SPATA7: variants seen among roughly 807,000 people sequenced by gnomAD.
SPATA7 encodes the protein spermatogenesis associated 7, also known as spermatogenesis-associated protein 7.
SPATA7 carries 43 observed loss-of-function variants against 51.8 expected under a neutral mutation model. The observed-to-expected ratio is 0.83, with a 90% CI of 0.65 to 1.07. The LOEUF is 1.07. Ranked by LOEUF, SPATA7 falls within the 50% of genes least tolerant of loss-of-function variation. The probability of loss-of-function intolerance (pLI) is 0.00; values close to 1 mark genes in which losing one functional copy is unlikely to be tolerated. For missense variants in SPATA7, 683 were observed against 701.3 expected, an observed-to-expected ratio of 0.97 and a Z score of 0.30; for synonymous variants, 230 against 252.8, an observed-to-expected ratio of 0.91 and a Z score of 0.86.
intron 4 of SPATA7, among the ~76,000 whole-genome samples, chr14:88,462,949 C>A (rs1462404394): frequency 6.6e-6 from 1 of 151,944 alleles, no homozygotes; most frequent in Non-Finnish European, 1.5e-5. Context: ...CCTTTAGTAA[C>A]CCATAAAATG....
rs150093878 is a variant in SPATA7, at chr14:88,416,838, A to T, written c.366A>T (p.Leu122Phe). 3.5e-4 allele frequency: 557 copies of T among 1,586,486 alleles called. 5 individuals are homozygous for T. The African/African-American group carries it at 6.5e-3, about 19-fold the overall frequency. Residue 122 changes from leucine (L) to phenylalanine (F), a missense_variant, in exon 5 of 12, where the codon TTA (leucine) becomes TTT (phenylalanine). Leu to Phe is a conservative substitution (Grantham distance 22). Coordinates refer to ENST00000393545, the MANE Select transcript of SPATA7 (RefSeq NM_018418.5). Reference sequence around the variant, plus strand: ...ATTCCAAGTCACTTTTTAATACCTTACAAAAGGTAAGATAGTATTTTTATT... The same window carrying T: ...ATTCCAAGTCACTTTTTAATACCTTTCAAAAGGTAAGATAGTATTTTTATT... ...KNNSKSLFNT[L>F]QKPSGEPQIE... is the part of the protein sequence containing the mutation.
chr14:88,429,442 C>A lies in SPATA7; in HGVS notation c.1007C>A (p.Ala336Asp), dbSNP rs775700654. The A allele has an allele frequency of 6.2e-7, 1 of 1,610,630 alleles. No individual in the cohort carries two copies. Among genetic ancestry groups the A allele is most frequent in the Non-Finnish European group, 8.5e-7 (1 of 1,177,148 alleles). ...DSTWDEIKDD[A>D]LQHSSPRAMC... The stretch of plus-strand genomic sequence containing the variant: ...ACATGGGATGAGATTAAGGATGATG[C>A]TCTTCAGCATTCCTCACCAAGGTAA... The change falls in exon 8 of 12, where the codon GCT becomes GAT. Residue 336 changes from alanine (A) to aspartate (D), a missense_variant. Coordinates refer to ENST00000393545, the MANE Select transcript of SPATA7 (RefSeq NM_018418.5).
chr14:88,447,917 A>G (rs1595311814), intron 3 of SPATA7, among the ~76,000 whole-genome samples: 1 of 151,006 alleles, frequency 6.6e-6, no homozygotes, highest in South Asian at 2.1e-4. Flanking sequence ...TGCCCTTAAC[A>G]TTTTTTCCTT....
chr14:88,411,119 G>A (rs933318581), intron 4 of SPATA7, among the ~76,000 whole-genome samples: 1 of 152,180 alleles, frequency 6.6e-6, no homozygotes, highest in East Asian at 1.9e-4. Context: ...GCCTTGTGGC[G>A]CTGTGGTGGG....
downstream of SPATA7, among the ~76,000 whole-genome samples, chr14:88,441,266 G>A (rs115317595): frequency 0.026 from 3,955 of 152,108 alleles, 181 homozygotes; most frequent in African/African-American, 0.09. Context: ...ATATGGGCTG[G>A]TTCCATATTT....
In SPATA7 at chr14:88,385,744, C is replaced by A; in HGVS notation, c.-75C>A. On this transcript the variant is annotated 5_prime_UTR_variant, in exon 1 of 12. Coordinates refer to ENST00000393545, the MANE Select transcript of SPATA7 (RefSeq NM_018418.5). ...CTCCTCTTTTCCAGTCCTCCACTGC[C>A]GGGGCTGGGCCCGGCCGCGGGAAGG... 1 of 1,450,966 alleles carries A rather than the reference C, an allele frequency of 6.9e-7. No individual in the cohort carries two copies. The allele number at this position is 1,450,966 out of a possible 1,614,324, so 89.9% of individuals were successfully genotyped here.
chr14:88,415,285 A>G, intron 4 of SPATA7: 1 of 323,460 alleles, frequency 3.1e-6, no homozygotes, highest in Non-Finnish European at 6.5e-6. Flanking sequence ...TGTGGAATTG[A>G]ATCCTTCGTC....
intron 4 of SPATA7, among the ~76,000 whole-genome samples, chr14:88,397,091 T>G (rs2075905143): frequency 6.6e-6 from 1 of 152,148 alleles, no homozygotes; most frequent in African/African-American, 2.4e-5. Context: ...GGTTTTACCA[T>G]GTTGCCCAGG....
rs765151899 is a variant in SPATA7 at position 88,469,542 on chromosome 14, G to C, written c.255-305G>C. 4.3e-6 allele frequency: 7 copies of C among 1,614,192 alleles called. No homozygotes were observed. Among genetic ancestry groups the C allele is most frequent in the Non-Finnish European group, 5.9e-6 (7 of 1,180,036 alleles). On this transcript the variant is annotated intron_variant, in intron 4 of 4. Coordinates refer to the SPATA7 transcript ENST00000556406. This position sits in a 1 kb window ranked among gnomAD's most constrained non-coding sequence, Gnocchi z 4.3. Reference sequence around the variant, plus strand: ...CTTCTGGACAGCCATGTTCAGGCCAGTCTGTGTATTGGAGGTGCCAGACGG... The same window carrying C: ...CTTCTGGACAGCCATGTTCAGGCCACTCTGTGTATTGGAGGTGCCAGACGG...
At position 88,469,729 on chromosome 14, in the gene SPATA7, C is replaced by A; in HGVS notation, c.255-118C>A. 6.2e-7 allele frequency: 1 copy of A among 1,614,086 alleles called. No homozygotes were observed. ...GTACCTAAAGCTCTTCTCCCTTCCA[C>A]CCTCCTGTTAAAGATGAGCATGGTT... On this transcript the variant is annotated intron_variant, in intron 4 of 4. Transcript: ENST00000556406. The surrounding 1 kb of genome is among the most constrained non-coding windows in gnomAD (Gnocchi z 4.3).
intron 1 of SPATA7, among the ~76,000 whole-genome samples, chr14:88,387,390 T>C (rs1350616125): frequency 2.1e-5 from 3 of 144,354 alleles, no homozygotes; most frequent in African/African-American, 8.8e-5. Flanking sequence ...CAAATACTGT[T>C]ATTTTGAATT....
chr14:88,422,557 T>C (rs1044051124), intron 5 of SPATA7, among the ~76,000 whole-genome samples: 1 of 148,530 alleles, frequency 6.7e-6, no homozygotes, highest in African/African-American at 2.5e-5. Flanking sequence ...TTTTAATATA[T>C]CTTTTTAATG....
Position 88,463,005 on chromosome 14 carries a change from T to A in SPATA7, c.255-6842T>A, listed in dbSNP as rs957206222. On this transcript the variant is annotated intron_variant, in intron 4 of 4. Coordinates refer to the SPATA7 transcript ENST00000556406. Reference sequence around the variant, plus strand: ...CTTTAGATTTTTGAAAATTAAGTATTTTTTAGAATACACATGGGTAATGTC... The same window carrying A: ...CTTTAGATTTTTGAAAATTAAGTATATTTTAGAATACACATGGGTAATGTC... 3.3e-5 allele frequency among the ~76,000 whole-genome samples: 5 copies of A among 152,304 alleles called. 1 individual carries two copies. The Middle Eastern group carries it at 0.01, about 311-fold the overall frequency.
intron 5 of SPATA7, among the ~76,000 whole-genome samples, chr14:88,422,288 A>T (rs909527062): frequency 1.5e-4 from 23 of 151,996 alleles, no homozygotes; most frequent in African/African-American, 5.6e-4. Flanking sequence ...TATGATTGAG[A>T]GCCCCAGGGC....
rs191373224 is a variant in SPATA7, at chr14:88,389,450, C to T, written c.20-1931C>T. On this transcript the variant is annotated intron_variant, in intron 1 of 11. Coordinates refer to ENST00000393545, the MANE Select transcript of SPATA7 (RefSeq NM_018418.5). ...GAACTTCTGGGCTTAGGTGATCAGC[C>T]TGCCTCAGTCTCCCAAAGTGCTGGG... 1.3e-3 allele frequency among the ~76,000 whole-genome samples: 197 copies of T among 152,250 alleles called. 2 individuals are homozygous for T. The highest frequency in any genetic ancestry group is 4.4e-3 in the African/African-American group (182 of 41,556).
In SPATA7 at chr14:88,469,939, T is replaced by C. The variant is rs755271546; in HGVS notation, c.*72T>C. 5.6e-6 allele frequency: 9 copies of C among 1,613,984 alleles called. No homozygotes were observed. The highest frequency in any genetic ancestry group is 2.2e-5 in the East Asian group (1 of 44,890). On this transcript the variant is annotated 3_prime_UTR_variant, in exon 5 of 5. Transcript: ENST00000556406. The surrounding 1 kb of genome is among the most constrained non-coding windows in gnomAD (Gnocchi z 4.3). Reference sequence around the variant, plus strand: ...GTACCTACCTCTTCTGCTGTCACCATTGCTATAATTGCAATTCCCTGTTCC... The same window carrying C: ...GTACCTACCTCTTCTGCTGTCACCACTGCTATAATTGCAATTCCCTGTTCC...
chr14:88,414,761 T>A (rs1001073212), intron 4 of SPATA7: 3 of 326,032 alleles, frequency 9.2e-6, no homozygotes, highest in Non-Finnish European at 1.8e-5. Flanking sequence ...TTTATTTATT[T>A]CAAAGAGTTT....
At chr14:88,429,489 T>A (rs747880720) in intron 8 of SPATA7, 26 bp downstream of exon 8, 1 of 1,446,718 alleles carries the variant, frequency 6.9e-7, no homozygotes, top group Non-Finnish European at 9.7e-7. Flanking sequence ...GAGAAATAAT[T>A]TCAACTGTCT....
Position 88,461,083 on chromosome 14 carries a change from G to C in SPATA7, c.255-8764G>C, listed in dbSNP as rs181904661. Reference sequence around the variant, plus strand: ...GTTCCTCTGGAAGCTTCATCTCAGAGGGGCACCTGGCCATGTGAGGTGTCA... The same window carrying C: ...GTTCCTCTGGAAGCTTCATCTCAGACGGGCACCTGGCCATGTGAGGTGTCA... On this transcript the variant is annotated intron_variant, in intron 4 of 4. Coordinates refer to the SPATA7 transcript ENST00000556406. 2.1e-3 allele frequency among the ~76,000 whole-genome samples: 317 copies of C among 152,318 alleles called. 4 individuals carry two copies. Among genetic ancestry groups the C allele is most frequent in the African/African-American group, 7.2e-3 (299 of 41,576 alleles).
Sources: allele counts gnomAD v4.1 joint callset (sites outside exome capture counted in the v4.1 genomes callset), GRCh38; gene constraint gnomAD v4.1.1; non-coding constraint Gnocchi (gnomAD v3.1); transcripts MANE v1.5; gene names NCBI Gene and HGNC (gene_info 2026-07-23, HGNC 2026-07-21).